RBBP6: variants seen among roughly 807,000 people sequenced by gnomAD.
RBBP6 encodes E3 ubiquitin-protein ligase RBBP6.
A neutral mutation model predicts 167.7 loss-of-function variants in RBBP6; 25 were observed. That is an observed-to-expected ratio of 0.15 (90% CI 0.11 to 0.21). The LOEUF (loss-of-function observed/expected upper bound fraction) is 0.21, where lower values mean the gene tolerates loss of function less well. Among genes scored for constraint, RBBP6 ranks in the 10% least tolerant of loss-of-function variants. RBBP6 has a pLI of 1.00. For missense variants in RBBP6, 1,868 were observed against 2,134.2 expected (o/e 0.88, Z 2.46); for synonymous variants, 789 against 735.8 (o/e 1.07, Z -1.17).
intron 8 of RBBP6, among the ~76,000 whole-genome samples, chr16:24,561,167 T>C (rs867103566): frequency 6.6e-6 from 1 of 152,224 alleles, no homozygotes; most frequent in Non-Finnish European, 1.5e-5. Flanking sequence ...ATATTTCTCT[T>C]TTGTTTTCTA....
At chr16:24,548,564 T>C (rs968231470) in intron 2 of RBBP6, among the ~76,000 whole-genome samples, 1 of 152,220 alleles carries the variant, frequency 6.6e-6, no homozygotes, top group Non-Finnish European at 1.5e-5. Flanking sequence ...GTCTTCCTGA[T>C]GTGTGAAAAT....
In RBBP6 at chr16:24,553,567, T is replaced by C; in HGVS notation, c.348+10T>C. 1 of 1,555,744 alleles carries C rather than the reference T, an allele frequency of 6.4e-7. No individual in the cohort carries two copies. Among genetic ancestry groups the C allele is most frequent in the Non-Finnish European group, 8.8e-7 (1 of 1,142,848 alleles). ...GGCCCAGCTTACAAAGGTATATATA[T>C]ATATATATTCTTGAAAATATAAGTT... On this transcript the variant is annotated intron_variant, in intron 4 of 17. Transcript: ENST00000319715.
intron 7 of RBBP6, chr16:24,558,618 T>A: frequency 1.5e-6 from 1 of 657,826 alleles, no homozygotes; most frequent in Non-Finnish European, 1.9e-6. Context: ...TAGAAAGGGT[T>A]TCTCTAGGGA....
chr16:24,562,982 T>G (rs1304574371), intron 10 of RBBP6, among the ~76,000 whole-genome samples: 1 of 149,104 alleles, frequency 6.7e-6, no homozygotes, highest in East Asian at 1.9e-4. Context: ...ATAACTGTAG[T>G]ATCTTCTTAA....
In RBBP6 at chr16:24,552,039, C is replaced by A. The variant is rs59727105; in HGVS notation, c.304-1474C>A. On this transcript the variant is annotated intron_variant, in intron 3 of 17. Transcript: ENST00000319715. ...CTTAAAAGCTGGACAAAAATGATAA[C>A]CCATTGGCAAATTATGTAGATATGC... 1.7e-3 allele frequency among the ~76,000 whole-genome samples: 252 copies of A among 151,786 alleles called. 6 individuals carry two copies. In the East Asian group the frequency reaches 0.044, roughly 26 times the overall value.
Position 24,572,329 on chromosome 16 carries a change from G to A in RBBP6, c.5263G>A (p.Val1755Met), listed in dbSNP as rs372656222. 1 of 1,560,652 alleles carries A rather than the reference G, an allele frequency of 6.4e-7. No homozygotes were observed. The highest frequency in any genetic ancestry group is 1.4e-5 in the African/African-American group (1 of 73,300). Residue 1755 changes from valine to methionine, a missense_variant, in exon 18 of 18, where the codon GTG becomes ATG. Val to Met is a conservative substitution (Grantham distance 21, BLOSUM62 1). Coordinates refer to ENST00000319715, the MANE Select transcript of RBBP6 (RefSeq NM_006910.5). The stretch of plus-strand genomic sequence containing the variant: ...GCATAAGAAACATGCAGGCACTGAA[G>A]TGGAATTGGAAAAAAGCCAAAAACA... ...KKHKKHAGTE[V>M]ELEKSQKHKH...
chr16:24,564,439 C>G (rs1018018719), intron 13 of RBBP6, among the ~76,000 whole-genome samples: 2 of 152,144 alleles, frequency 1.3e-5, no homozygotes, highest in Non-Finnish European at 2.9e-5. Flanking sequence ...ATGACACTAC[C>G]TACCTTAACA....
chr16:24,560,647 C>G (rs1899028581), intron 8 of RBBP6, among the ~76,000 whole-genome samples: 1 of 152,054 alleles, frequency 6.6e-6, no homozygotes, highest in Non-Finnish European at 1.5e-5. Context: ...AACCACAGAT[C>G]ATAAATATTT....
At position 24,568,971 on chromosome 16, in the gene RBBP6, C is replaced by G; in HGVS notation, c.2281C>G (p.Pro761Ala). 1 of 1,614,138 alleles carries G rather than the reference C, an allele frequency of 6.2e-7. No individual in the cohort carries two copies. The highest frequency in any genetic ancestry group is 8.5e-7 in the Non-Finnish European group (1 of 1,179,988). ...HGYHRSRSRS[P>A]PYRRYHSRSR... is the part of the protein sequence containing the mutation. ...ATATCATCGATCTAGGTCAAGGTCACCCCCTTACAGACGCTATCATTCACG... is the reference window on the plus strand; with the variant it reads ...ATATCATCGATCTAGGTCAAGGTCAGCCCCTTACAGACGCTATCATTCACG... Residue 761 changes from proline (P) to alanine (A), a missense_variant, in exon 17 of 18, where the codon CCC becomes GCC. Coordinates refer to ENST00000319715, the MANE Select transcript of RBBP6 (RefSeq NM_006910.5).
chr16:24,560,795 G>A (rs948996495), intron 8 of RBBP6, among the ~76,000 whole-genome samples: 1 of 152,204 alleles, frequency 6.6e-6, no homozygotes, highest in East Asian at 1.9e-4. Flanking sequence ...TATACTGGAG[G>A]ATGTACATAG....
At position 24,572,797 on chromosome 16, in the gene RBBP6, T is replaced by C; in HGVS notation, c.*352T>C. On this transcript the variant is annotated 3_prime_UTR_variant, in exon 18 of 18. Transcript: ENST00000319715. The stretch of plus-strand genomic sequence containing the variant: ...CTAAAATATCAGCAGAATGATTTGC[T>C]GAATTCATTACAACCCTGTTATGTC... The C allele has an allele frequency of 5.3e-6, 1 of 189,512 alleles. No homozygotes were observed. The highest frequency in any genetic ancestry group is 1.1e-5 in the Non-Finnish European group (1 of 91,794). 11.7% of individuals were successfully genotyped at this position (189,512 alleles called of 1,614,324 possible). A position where few individuals can be genotyped will look rare whatever the true frequency, so the allele number is the denominator to read the frequency against.
At chr16:24,546,284 T>C in intron 2 of RBBP6, 22 bp downstream of exon 2, 1 of 1,524,496 alleles carries the variant, frequency 6.6e-7, no homozygotes, top group South Asian at 1.3e-5. Flanking sequence ...ATCTCATGTA[T>C]TTCTCAAAAT....
Position 24,555,801 on chromosome 16 carries a change from A to T in RBBP6, c.438-20A>T. 3 of 1,589,734 alleles carry T rather than the reference A, an allele frequency of 1.9e-6. No individual in the cohort carries two copies. The highest frequency in any genetic ancestry group is 2.6e-6 in the Non-Finnish European group (3 of 1,158,286). ...TTTTCAAAGTCCTCGTATACATGTAATTTTTTTTCCCCCTTTTAGTTACAT... is the reference window on the plus strand; with the variant it reads ...TTTTCAAAGTCCTCGTATACATGTATTTTTTTTTCCCCCTTTTAGTTACAT... On this transcript the variant is annotated intron_variant, in intron 5 of 17. Coordinates refer to ENST00000319715, the MANE Select transcript of RBBP6 (RefSeq NM_006910.5).
At position 24,571,388 on chromosome 16, in the gene RBBP6, A is replaced by G. The variant is rs140198744; in HGVS notation, c.4322A>G (p.Lys1441Arg). The G allele has an allele frequency of 6.1e-4, 991 of 1,614,022 alleles. 4 individuals are homozygous for G. In the African/African-American group the frequency reaches 0.012, roughly 19 times the overall value. Residue 1441 changes from lysine (K) to arginine (R), a missense_variant, in exon 18 of 18, where the codon AAA becomes AGA. Coordinates refer to ENST00000319715, the MANE Select transcript of RBBP6 (RefSeq NM_006910.5). ...CGTCTGAATGAACAAGGAAATTTTA[A>G]AAGTCTGTCTCAATCTTCCAAAGAG... Reference protein sequence around the residue: ...LDRLNEQGNFKSLSQSSKEAR... With the variant: ...LDRLNEQGNFRSLSQSSKEAR...
At chr16:24,548,235 C>G (rs1898708433) in intron 2 of RBBP6, among the ~76,000 whole-genome samples, 1 of 151,560 alleles carries the variant, frequency 6.6e-6, no homozygotes, top group South Asian at 2.1e-4. Flanking sequence ...TTGTCCAGTT[C>G]TACACAGCCA....
In RBBP6 at chr16:24,569,535, C is replaced by G. The variant is rs1277838531; in HGVS notation, c.2845C>G (p.Leu949Val). 7 of 1,611,276 alleles carry G rather than the reference C, an allele frequency of 4.3e-6. No homozygotes were observed. Among genetic ancestry groups the G allele is most frequent in the Non-Finnish European group, 5.9e-6 (7 of 1,179,366 alleles). The change falls in exon 17 of 18, where the codon CTG (leucine) becomes GTG (valine). Residue 949 changes from leucine (L) to valine (V), a missense_variant. By Grantham distance (32) the Leu-to-Val change is conservative (BLOSUM62 1). Coordinates refer to ENST00000319715, the MANE Select transcript of RBBP6 (RefSeq NM_006910.5). ...RRKGEESEGF[L>V]NPELLETSRK... is the part of the protein sequence containing the mutation. The stretch of plus-strand genomic sequence containing the variant: ...AAAAGGGGAGGAAAGTGAGGGTTTT[C>G]TGAACCCAGAGTTATTAGAGACTTC...
Position 24,572,199 on chromosome 16 carries a change from C to A in RBBP6, c.5133C>A (p.Thr1711=), listed in dbSNP as rs758861108. 2 of 1,613,956 alleles carry A rather than the reference C, an allele frequency of 1.2e-6. No homozygotes were observed. The highest frequency in any genetic ancestry group is 2.2e-5 in the South Asian group (2 of 91,058). ...GCCACAGTCCTTCTGGAAGCCAGAC[C>A]CGAAGCCACAGTAGCAGTGCCAGCT... ...SRSHSPSGSQ[T]RSHSSSASSA... Residue 1711 remains threonine, a synonymous_variant, in exon 18 of 18, where the codon ACC becomes ACA. Transcript: ENST00000319715.
chr16:24,545,319 C>T (rs1033100742), intron 1 of RBBP6, among the ~76,000 whole-genome samples: 5 of 152,064 alleles, frequency 3.3e-5, no homozygotes, highest in African/African-American at 1.2e-4. Flanking sequence ...TGATCCGCCC[C>T]CCTCAGCCTC....
intron 13 of RBBP6, among the ~76,000 whole-genome samples, 171 bp from the exon 14 acceptor site, chr16:24,564,626 A>G (rs994826858): frequency 6.6e-6 from 1 of 152,244 alleles, no homozygotes; most frequent in African/African-American, 2.4e-5. Context: ...AGTTAGTTTT[A>G]AGTAAATATA....
Sources: gnomAD v4.1 joint callset for allele counts (sites outside exome capture counted in the v4.1 genomes callset) on GRCh38, gnomAD v4.1.1 for gene constraint, MANE v1.5 for transcripts, NCBI Gene and HGNC (gene_info 2026-07-23, HGNC 2026-07-21) for gene names.